CFAP221: variants seen among roughly 807,000 people sequenced by gnomAD.
CFAP221 encodes cilia and flagella associated protein 221.
A neutral mutation model predicts 113.1 loss-of-function variants in CFAP221; 97 were observed. The observed-to-expected ratio is 0.86, with a 90% CI of 0.73 to 1.02. The LOEUF is 1.02. Ranked by LOEUF, CFAP221 falls within the 50% of genes least tolerant of loss-of-function variation. The pLI is 0.00. For synonymous variants in CFAP221, 331 were observed against 354.4 expected, an observed-to-expected ratio of 0.93 and a Z score of 0.74; for missense variants, 1,025 against 1,013.4, an observed-to-expected ratio of 1.01 and a Z score of -0.16.
intron 15 of CFAP221, among the ~76,000 whole-genome samples, chr2:119,626,689 T>C (rs1405382952): frequency 1.3e-5 from 2 of 152,162 alleles, no homozygotes; most frequent in African/African-American, 4.8e-5. Context: ...ATCCCAATAC[T>C]TTGAGAGTCC....
intron 21 of CFAP221, among the ~76,000 whole-genome samples, chr2:119,644,147 C>T (rs931245723): frequency 6.6e-6 from 1 of 151,966 alleles, no homozygotes; most frequent in Non-Finnish European, 1.5e-5. Context: ...AACAAGACTC[C>T]ATCTCAAAAG....
At chr2:119,556,614 C>T (rs1416056360) in intron 3 of CFAP221, among the ~76,000 whole-genome samples, 1 of 149,356 alleles carries the variant, frequency 6.7e-6, no homozygotes, top group African/African-American at 2.5e-5. Flanking sequence ...AGTGCAATGG[C>T]GCGATCTCAG....
intron 22 of CFAP221, chr2:119,648,303 A>G (rs1247205448): frequency 6.4e-6 from 1 of 156,098 alleles, no homozygotes; most frequent in Non-Finnish European, 1.5e-5. Flanking sequence ...ACATGGTTAG[A>G]TTTCCAAAAC....
intron 14 of CFAP221, among the ~76,000 whole-genome samples, chr2:119,622,500 C>A (rs1283953078): frequency 6.6e-6 from 1 of 152,140 alleles, no homozygotes; most frequent in African/African-American, 2.4e-5. Flanking sequence ...AAGAGGGACT[C>A]CTCCCTAACT....
intron 21 of CFAP221, among the ~76,000 whole-genome samples, chr2:119,646,399 A>G (rs1470869400): frequency 6.6e-6 from 1 of 151,938 alleles, no homozygotes; most frequent in Non-Finnish European, 1.5e-5. Flanking sequence ...GCGGAAGGCA[A>G]AGGGGAAGCC....
chr2:119,578,277 A>C (rs1435241299), intron 6 of CFAP221, among the ~76,000 whole-genome samples: 1 of 152,252 alleles, frequency 6.6e-6, no homozygotes, highest in Non-Finnish European at 1.5e-5. Flanking sequence ...GAATCAAGGA[A>C]GAACACATAG....
chr2:119,570,239 A>G (rs1468091865), intron 6 of CFAP221, among the ~76,000 whole-genome samples: 1 of 152,192 alleles, frequency 6.6e-6, no homozygotes, highest in Non-Finnish European at 1.5e-5. Flanking sequence ...TCACCTGCTT[A>G]GGTGAGACAG....
At chr2:119,614,272 A>T (rs762886520) in intron 13 of CFAP221, among the ~76,000 whole-genome samples, 7 of 152,160 alleles carry the variant, frequency 4.6e-5, no homozygotes, top group Non-Finnish European at 8.8e-5. Context: ...GATCCCTGCA[A>T]ACTGTTCCAA....
chr2:119,637,581 C>T (rs1323322264), intron 19 of CFAP221, among the ~76,000 whole-genome samples: 3 of 152,072 alleles, frequency 2.0e-5, no homozygotes, highest in Non-Finnish European at 2.9e-5. Context: ...AGGGGCGCTA[C>T]GTTGTTTGGG....
Position 119,615,576 on chromosome 2 carries a change from T to C in CFAP221, c.1312-35T>C, listed in dbSNP as rs773264219. 13 of 1,452,974 alleles carry C rather than the reference T, an allele frequency of 8.9e-6. No homozygotes were observed. In the South Asian group the frequency reaches 1.6e-4, roughly 18 times the overall value. The allele number at this position is 1,452,974 out of a possible 1,614,324, so 90.0% of individuals were successfully genotyped here. A position where few individuals can be genotyped will look rare whatever the true frequency, so the allele number is the denominator to read the frequency against. On this transcript the variant is annotated intron_variant, in intron 13 of 23. Transcript: ENST00000413369. ...GATGTTTATGACAGGAGTTAAAATTTAAATGTAAGATGTGCCTATATTTTA... is the reference window on the plus strand; with the variant it reads ...GATGTTTATGACAGGAGTTAAAATTCAAATGTAAGATGTGCCTATATTTTA...
At chr2:119,600,620 T>C (rs1684297424) in intron 7 of CFAP221, among the ~76,000 whole-genome samples, 1 of 152,224 alleles carries the variant, frequency 6.6e-6, no homozygotes, top group Non-Finnish European at 1.5e-5. Flanking sequence ...AAAAGCTACA[T>C]AAGGATAATA....
intron 3 of CFAP221, among the ~76,000 whole-genome samples, chr2:119,549,957 C>T (rs574091939): frequency 5.9e-5 from 9 of 152,344 alleles, no homozygotes; most frequent in African/African-American, 2.2e-4. Context: ...CTTACTTCAG[C>T]GTCCCACCTA....
intron 3 of CFAP221, among the ~76,000 whole-genome samples, chr2:119,550,659 TAAATG>T (rs1680355212): frequency 6.6e-6 from 1 of 152,248 alleles, no homozygotes; most frequent in Non-Finnish European, 1.5e-5. Context: ...TAATTGTTTA[TAAATG>T]AAATATATGC....
At chr2:119,550,190 C>T (rs954958171) in intron 3 of CFAP221, among the ~76,000 whole-genome samples, 7 of 152,162 alleles carry the variant, frequency 4.6e-5, no homozygotes, top group Non-Finnish European at 1.5e-5. Context: ...TGTCTCCAGC[C>T]ACCACAAGAC....
chr2:119,606,151 G>A (rs1253111103), intron 11 of CFAP221, among the ~76,000 whole-genome samples: 4 of 151,540 alleles, frequency 2.6e-5, no homozygotes, highest in African/African-American at 9.7e-5. Flanking sequence ...GCACAGGTGC[G>A]TGCCACCATG....
At chr2:119,605,435 G>A in intron 11 of CFAP221, 146 bp downstream of exon 11, 2 of 678,796 alleles carry the variant, frequency 2.9e-6, no homozygotes, top group Non-Finnish European at 5.1e-6. Flanking sequence ...TGGTCCTTCA[G>A]TAGGAAGTTT....
Position 119,581,543 on chromosome 2 carries a change from T to C in CFAP221, c.528-5576T>C, listed in dbSNP as rs183524002. Among the ~76,000 whole-genome samples the C allele has an allele frequency of 1.1e-3, 168 of 152,326 alleles. 1 individual carries two copies. The highest frequency in any genetic ancestry group is 0.01 in the East Asian group (52 of 5,188). On this transcript the variant is annotated intron_variant, in intron 6 of 23. Transcript: ENST00000413369. ...CACCCAGTATAGAGTACATAGAGGT[T>C]ACATTTTACATGAAGGGAAATTAGG...
At chr2:119,614,298 C>G (rs1685379900) in intron 13 of CFAP221, among the ~76,000 whole-genome samples, 1 of 152,194 alleles carries the variant, frequency 6.6e-6, no homozygotes, top group South Asian at 2.1e-4. Context: ...GCTTGTTACC[C>G]AGTTCCAAAG....
At chr2:119,643,557 A>T (rs7560550) in intron 21 of CFAP221, among the ~76,000 whole-genome samples, 149,417 of 152,210 alleles carry the variant, frequency 0.98, 73,403 homozygotes, top group Non-Finnish European at 1. Context: ...TATATATATG[A>T]TTTTTTAGAT....
Sources: allele counts gnomAD v4.1 joint callset (sites outside exome capture counted in the v4.1 genomes callset), GRCh38; gene constraint gnomAD v4.1.1; transcripts MANE v1.5; gene names NCBI Gene and HGNC (gene_info 2026-07-23, HGNC 2026-07-21).